Variants in EFCAB11 observed in about 807,000 individuals in gnomAD.
EFCAB11 encodes EF-hand calcium-binding domain-containing protein 11.
EFCAB11 carries 14 observed loss-of-function variants against 23.0 expected under a neutral mutation model. The ratio of observed to expected loss-of-function variants is 0.61; its 90% CI spans 0.40 to 0.95. The LOEUF is 0.95. Among genes scored for constraint, EFCAB11 ranks in the 40% least tolerant of loss-of-function variants. The pLI is 0.00. For missense variants in EFCAB11, 198 were observed against 195.8 expected (o/e 1.01, Z -0.07); for synonymous variants, 65 against 66.6 (o/e 0.98, Z 0.11).
intron 5 of EFCAB11, among the ~76,000 whole-genome samples, chr14:89,909,944 G>A (rs1405287959): frequency 6.6e-6 from 1 of 152,062 alleles, no homozygotes; most frequent in Non-Finnish European, 1.5e-5. Flanking sequence ...TGTCAGCCTT[G>A]GTGCCCCCTC....
intron 4 of EFCAB11, among the ~76,000 whole-genome samples, chr14:89,932,059 C>A (rs542771210): frequency 2.6e-5 from 4 of 152,284 alleles, no homozygotes; most frequent in South Asian, 2.1e-4. Flanking sequence ...GCAGTCAAGA[C>A]ACTGACCCTA....
At chr14:89,905,642 A>G (rs954734727) in intron 5 of EFCAB11, among the ~76,000 whole-genome samples, 1 of 152,184 alleles carries the variant, frequency 6.6e-6, no homozygotes, top group African/African-American at 2.4e-5. Context: ...AAATGCGCAC[A>G]AAGTATTTAG....
At chr14:89,867,650 T>C (rs1430055068) in intron 5 of EFCAB11, among the ~76,000 whole-genome samples, 1 of 152,348 alleles carries the variant, frequency 6.6e-6, no homozygotes, top group East Asian at 1.9e-4. Context: ...TTAATAAGTA[T>C]TTTGTTTTAA....
chr14:89,894,552 A>G (rs1295942767), intron 5 of EFCAB11, among the ~76,000 whole-genome samples: 1 of 152,116 alleles, frequency 6.6e-6, no homozygotes, highest in Non-Finnish European at 1.5e-5. Flanking sequence ...TTAATCTGAG[A>G]AAGGATCTAA....
chr14:89,922,562 G>C (rs2139789131), intron 5 of EFCAB11, among the ~76,000 whole-genome samples: 1 of 152,292 alleles, frequency 6.6e-6, no homozygotes, highest in South Asian at 2.1e-4. Flanking sequence ...CTAGACTCCT[G>C]ACCTTAACAT....
chr14:89,936,365 A>G (rs1235063968), intron 3 of EFCAB11, among the ~76,000 whole-genome samples: 1 of 152,226 alleles, frequency 6.6e-6, no homozygotes, highest in Admixed American at 6.5e-5. Context: ...TCAGGTCTTT[A>G]TTTTACAATA....
intron 5 of EFCAB11, among the ~76,000 whole-genome samples, chr14:89,911,196 A>G (rs1312065078): frequency 6.6e-6 from 1 of 152,244 alleles, no homozygotes; most frequent in Non-Finnish European, 1.5e-5. Flanking sequence ...CGCAAAGCAA[A>G]ACAGACAAAA....
chr14:89,847,912 A>G (rs77507069), intron 5 of EFCAB11, among the ~76,000 whole-genome samples: 1 of 152,196 alleles, frequency 6.6e-6, no homozygotes, highest in African/African-American at 2.4e-5. Context: ...GAGCAATCAT[A>G]TCACTAATAC....
intron 5 of EFCAB11, among the ~76,000 whole-genome samples, chr14:89,863,106 T>C (rs1182560474): frequency 6.7e-6 from 1 of 150,290 alleles, no homozygotes; most frequent in Non-Finnish European, 1.5e-5. Context: ...ACAGACTTAG[T>C]AGAAAAAAAA....
intron 5 of EFCAB11, among the ~76,000 whole-genome samples, chr14:89,897,124 A>G (rs1010506335): frequency 6.6e-5 from 10 of 152,110 alleles, no homozygotes; most frequent in Non-Finnish European, 1.3e-4. Context: ...GACTACATAC[A>G]TTTGAAATTC....
chr14:89,865,795 G>A (rs1207170243), intron 5 of EFCAB11, among the ~76,000 whole-genome samples: 1 of 151,466 alleles, frequency 6.6e-6, no homozygotes, highest in Non-Finnish European at 1.5e-5. Flanking sequence ...CTCCCAAGTT[G>A]GTGGGATTAC....
chr14:89,834,327 G>A (rs1387346170), intron 5 of EFCAB11, among the ~76,000 whole-genome samples: 3 of 121,296 alleles, frequency 2.5e-5, no homozygotes, highest in African/African-American at 9.5e-5. Flanking sequence ...AGCGAGCCGA[G>A]ATCGCACCAC....
intron 5 of EFCAB11, among the ~76,000 whole-genome samples, chr14:89,873,609 G>C (rs1888348839): frequency 6.6e-6 from 1 of 152,180 alleles, no homozygotes; most frequent in Non-Finnish European, 1.5e-5. Flanking sequence ...AGATATAATG[G>C]GGGTACGGGC....
intron 5 of EFCAB11, among the ~76,000 whole-genome samples, chr14:89,899,793 A>C (rs1271965433): frequency 6.6e-6 from 1 of 152,252 alleles, no homozygotes; most frequent in Non-Finnish European, 1.5e-5. Flanking sequence ...CACCCATCAA[A>C]TTGGCAAAAA....
chr14:89,824,203 A>G (rs561146041), intron 5 of EFCAB11, among the ~76,000 whole-genome samples: 1 of 152,282 alleles, frequency 6.6e-6, no homozygotes, highest in South Asian at 2.1e-4. Context: ...TTGTTCAGAG[A>G]AAAAAATATA....
chr14:89,929,950 T>G (rs918698562), intron 5 of EFCAB11, among the ~76,000 whole-genome samples: 3 of 152,198 alleles, frequency 2.0e-5, no homozygotes, highest in Non-Finnish European at 4.4e-5. Flanking sequence ...TTCATCATAT[T>G]TGGACAACTG....
chr14:89,815,085 C>T (rs1437261635), intron 5 of EFCAB11, among the ~76,000 whole-genome samples: 1 of 152,166 alleles, frequency 6.6e-6, no homozygotes, highest in Non-Finnish European at 1.5e-5. Flanking sequence ...TTAGCTTAAA[C>T]TTTTCACAGT....
intron 5 of EFCAB11, among the ~76,000 whole-genome samples, chr14:89,917,512 GT>G: frequency 6.6e-6 from 1 of 152,220 alleles, no homozygotes; most frequent in Non-Finnish European, 1.5e-5. Flanking sequence ...CTTAATATGG[GT>G]TTCCATATCT....
intron 5 of EFCAB11, among the ~76,000 whole-genome samples, chr14:89,895,759 A>G (rs1695649980): frequency 6.6e-6 from 1 of 152,190 alleles, no homozygotes; most frequent in African/African-American, 2.4e-5. Flanking sequence ...CTTAAACAGG[A>G]CACCAGCCCT....
Sources: gnomAD v4.1 joint callset for allele counts (sites outside exome capture counted in the v4.1 genomes callset) on GRCh38, gnomAD v4.1.1 for gene constraint, MANE v1.5 for transcripts, NCBI Gene and HGNC (gene_info 2026-07-23, HGNC 2026-07-21) for gene names.